HS2ST1: variants seen among roughly 807,000 people sequenced by gnomAD.
The protein encoded by HS2ST1 is heparan sulfate 2-O-sulfotransferase 1.
In HS2ST1, 18 loss-of-function variants were observed where a neutral mutation model predicts 42.9. That is an observed-to-expected ratio of 0.42 (90% CI 0.29 to 0.62). The LOEUF is 0.62. Among genes scored for constraint, HS2ST1 ranks in the 20% least tolerant of loss-of-function variants. The pLI is 0.21. For missense variants in HS2ST1, 334 were observed against 433.8 expected, an observed-to-expected ratio of 0.77 and a Z score of 2.04; for synonymous variants, 146 against 152.9, an observed-to-expected ratio of 0.95 and a Z score of 0.33.
At chr1:87,005,140 A>C in intron 1 of HS2ST1, among the ~76,000 whole-genome samples, 1 of 152,140 alleles carries the variant, frequency 6.6e-6, no homozygotes, top group East Asian at 1.9e-4. Flanking sequence ...TAAAGTTGAT[A>C]TCTTTTGCTA....
chr1:87,084,174 A>G lies in HS2ST1; in HGVS notation c.364-20A>G. ...CATTTTCTTTAAATTGTATATAATG[A>G]ATGTGTTCTCCCTTTTTAGGTGCGC... On this transcript the variant is annotated intron_variant, in intron 2 of 6. Coordinates refer to ENST00000370550, the MANE Select transcript of HS2ST1 (RefSeq NM_012262.4). 3 of 1,423,622 alleles carry G rather than the reference A, an allele frequency of 2.1e-6. No individual in the cohort carries two copies. Among genetic ancestry groups the G allele is most frequent in the Non-Finnish European group, 2.9e-6 (3 of 1,028,990 alleles). 88.2% of individuals were successfully genotyped at this position (1,423,622 alleles called of 1,614,324 possible).
intron 1 of HS2ST1, chr1:87,045,619 C>T: frequency 2.6e-6 from 2 of 777,228 alleles, no homozygotes; most frequent in Admixed American, 1.7e-5. Flanking sequence ...CTGCAGTGGT[C>T]TATTTTTCCT....
intron 1 of HS2ST1, among the ~76,000 whole-genome samples, chr1:86,938,738 G>A (rs1438265404): frequency 2.0e-5 from 3 of 152,158 alleles, no homozygotes; most frequent in Admixed American, 2.0e-4. Flanking sequence ...GTTTTTCACA[G>A]TCTCAGAAAA....
intron 1 of HS2ST1, among the ~76,000 whole-genome samples, chr1:87,014,958 T>G (rs1490937865): frequency 6.6e-6 from 1 of 152,206 alleles, no homozygotes; most frequent in Admixed American, 6.5e-5. Context: ...CAAATAAATA[T>G]CTTTCTTTTA....
chr1:86,935,630 T>C (rs1253829341), intron 1 of HS2ST1, among the ~76,000 whole-genome samples: 2 of 151,894 alleles, frequency 1.3e-5, no homozygotes, highest in African/African-American at 2.4e-5. Flanking sequence ...TCCCAGCTTA[T>C]TTTTTATATG....
At chr1:86,931,287 G>A (rs967280160) in intron 1 of HS2ST1, among the ~76,000 whole-genome samples, 7 of 152,008 alleles carry the variant, frequency 4.6e-5, no homozygotes, top group Non-Finnish European at 8.8e-5. Flanking sequence ...TGTGTAATGC[G>A]GAATGGGTAA....
intron 1 of HS2ST1, among the ~76,000 whole-genome samples, chr1:86,920,279 A>G (rs1570421277): frequency 6.6e-6 from 1 of 152,350 alleles, no homozygotes; most frequent in East Asian, 1.9e-4. Context: ...TTAAAACTCT[A>G]CTAGACTAAA....
intron 1 of HS2ST1, among the ~76,000 whole-genome samples, chr1:87,067,003 C>T (rs1651269952): frequency 6.6e-6 from 1 of 152,182 alleles, no homozygotes; most frequent in Non-Finnish European, 1.5e-5. Context: ...CACATCTTTA[C>T]TATTGTAAAC....
chr1:86,915,141 G>A lies in HS2ST1; in HGVS notation c.105G>A (p.Glu35=). Residue 35 remains glutamate (E), a synonymous_variant, in exon 1 of 7, where the codon GAG becomes GAA. Coordinates refer to ENST00000370550, the MANE Select transcript of HS2ST1 (RefSeq NM_012262.4). ...TGGAAAACCAGATCCAGAAACTGGA[G>A]GAGTCCCGCTCGAAGCTAGGTGAGG... ...LFLENQIQKL[E]ESRSKLERAI... is the part of the protein sequence containing the mutation. The A allele has an allele frequency of 6.2e-7, 1 of 1,613,974 alleles. No individual in the cohort carries two copies. The highest frequency in any genetic ancestry group is 8.5e-7 in the Non-Finnish European group (1 of 1,179,892).
intron 1 of HS2ST1, among the ~76,000 whole-genome samples, chr1:87,005,024 T>TA (rs1649394077): frequency 6.6e-6 from 1 of 152,230 alleles, no homozygotes; most frequent in Admixed American, 6.5e-5. Flanking sequence ...CCTCTGCAGT[T>TA]AAAAGTTTAA....
At chr1:87,004,147 T>C (rs1242959981) in intron 1 of HS2ST1, among the ~76,000 whole-genome samples, 1 of 152,108 alleles carries the variant, frequency 6.6e-6, no homozygotes, top group African/African-American at 2.4e-5. Context: ...TCCCACCACT[T>C]TGGGAGGCTG....
At chr1:87,062,710 C>T (rs554349668) in intron 1 of HS2ST1, among the ~76,000 whole-genome samples, 2 of 152,040 alleles carry the variant, frequency 1.3e-5, no homozygotes, top group Admixed American at 6.5e-5. Flanking sequence ...GTTTTTTTAG[C>T]CAGTCTTTTA....
At chr1:87,010,069 AAAAC>A (rs1187390858) in intron 1 of HS2ST1, among the ~76,000 whole-genome samples, 4 of 151,972 alleles carry the variant, frequency 2.6e-5, no homozygotes, top group African/African-American at 9.7e-5. Flanking sequence ...AAAAAAAACA[AAAAC>A]AAACTTCTGC....
At chr1:87,044,956 G>A in intron 1 of HS2ST1, 1 of 1,589,322 alleles carries the variant, frequency 6.3e-7, no homozygotes, top group Non-Finnish European at 8.6e-7. Context: ...ACATCATCCA[G>A]CTCTTCCTTC....
intron 1 of HS2ST1, among the ~76,000 whole-genome samples, chr1:86,930,316 G>A (rs2102163560): frequency 2.0e-5 from 3 of 151,920 alleles, no homozygotes; most frequent in African/African-American, 7.2e-5. Flanking sequence ...GGATTTGTTG[G>A]AAGCTCAGCT....
At chr1:86,938,481 T>C (rs936263193) in intron 1 of HS2ST1, among the ~76,000 whole-genome samples, 15 of 152,124 alleles carry the variant, frequency 9.9e-5, no homozygotes, top group Non-Finnish European at 1.9e-4. Context: ...CCAAGTTGAG[T>C]TTTGAATTTT....
In HS2ST1 at chr1:87,109,368, C is replaced by T. The variant is rs1359331109; in HGVS notation, c.*4672C>T. 1 of 152,026 alleles carries T rather than the reference C, an allele frequency of 6.6e-6. No homozygotes were observed. The highest frequency in any genetic ancestry group is 1.9e-4 in the East Asian group (1 of 5,200). The allele number at this position is 152,026 out of a possible 1,614,324, so 9.4% of individuals were successfully genotyped here. A position where few individuals can be genotyped will look rare whatever the true frequency, so the allele number is the denominator to read the frequency against. On this transcript the variant is annotated 3_prime_UTR_variant, in exon 7 of 7. Coordinates refer to ENST00000370550, the MANE Select transcript of HS2ST1 (RefSeq NM_012262.4). ...ATATTTTATCTGGACTGACATGCCT[C>T]TGCTGCTTTTGCTTTGTACTTCATT...
At position 86,939,830 on chromosome 1, in the gene HS2ST1, A is replaced by G. The variant is rs746239388; in HGVS notation, c.124+24670A>G. On this transcript the variant is annotated intron_variant, in intron 1 of 6. Transcript: ENST00000370550. ...TTCTAAAATGAGCAGTGTTAATAATACTACACATATTTTGAGAGGAGTTTA... is the reference window on the plus strand; with the variant it reads ...TTCTAAAATGAGCAGTGTTAATAATGCTACACATATTTTGAGAGGAGTTTA... 3.9e-5 allele frequency among the ~76,000 whole-genome samples: 6 copies of G among 152,356 alleles called. No individual in the cohort carries two copies. In the East Asian group the frequency reaches 1.2e-3, roughly 29 times the overall value.
intron 1 of HS2ST1, among the ~76,000 whole-genome samples, chr1:86,949,683 G>A (rs907824700): frequency 1.2e-4 from 19 of 152,308 alleles, no homozygotes; most frequent in East Asian, 9.6e-4. Flanking sequence ...TATTAACCAC[G>A]TTTCAAGTGC....
Sources: allele counts gnomAD v4.1 joint callset (sites outside exome capture counted in the v4.1 genomes callset), GRCh38; gene constraint gnomAD v4.1.1; transcripts MANE v1.5; gene names NCBI Gene and HGNC (gene_info 2026-07-23, HGNC 2026-07-21).